Variants in RIMS1 observed in about 807,000 individuals in gnomAD.
The protein encoded by RIMS1 is regulating synaptic membrane exocytosis 1, also known as regulating synaptic membrane exocytosis protein 1.
A neutral mutation model predicts 214.1 loss-of-function variants in RIMS1; 83 were observed. The ratio of observed to expected loss-of-function variants is 0.39; its 90% CI spans 0.32 to 0.47. The LOEUF is 0.47. Ranked by LOEUF, RIMS1 falls within the 20% of genes least tolerant of loss-of-function variation. The pLI is 0.99. For missense variants in RIMS1, 2,050 were observed against 2,161.8 expected, an observed-to-expected ratio of 0.95 and a Z score of 1.03; for synonymous variants, 793 against 786.8, an observed-to-expected ratio of 1.01 and a Z score of -0.13.
chr6:72,248,411 A>G (rs1407776869), intron 12 of RIMS1, among the ~76,000 whole-genome samples: 1 of 152,190 alleles, frequency 6.6e-6, no homozygotes, highest in East Asian at 1.9e-4. Flanking sequence ...GTGCTATGTA[A>G]AAGTTTCTAA....
At chr6:72,065,236 A>C (rs906526432) in intron 2 of RIMS1, among the ~76,000 whole-genome samples, 1 of 152,182 alleles carries the variant, frequency 6.6e-6, no homozygotes, top group African/African-American at 2.4e-5. Context: ...AATGGATACC[A>C]AATTCTTGTC....
At chr6:72,317,641 C>T (rs1171486561) in intron 28 of RIMS1, among the ~76,000 whole-genome samples, 1 of 152,118 alleles carries the variant, frequency 6.6e-6, no homozygotes, top group African/African-American at 2.4e-5. Context: ...CCTTATTTCA[C>T]AATAGTTCTT....
intron 29 of RIMS1, among the ~76,000 whole-genome samples, chr6:72,340,164 C>T (rs1231327220): frequency 1.3e-5 from 2 of 151,924 alleles, no homozygotes; most frequent in Non-Finnish European, 2.9e-5. Flanking sequence ...TGTTTGAGTT[C>T]ATTGTAGATT....
chr6:72,284,647 A>G (rs908943404), intron 24 of RIMS1, among the ~76,000 whole-genome samples: 5 of 151,244 alleles, frequency 3.3e-5, no homozygotes, highest in Non-Finnish European at 7.4e-5. Context: ...GTCCAATTCC[A>G]CAAAGGTTTT....
At chr6:72,391,585 T>A (rs371292573) in intron 30 of RIMS1, among the ~76,000 whole-genome samples, 2 of 152,218 alleles carry the variant, frequency 1.3e-5, no homozygotes, top group South Asian at 2.1e-4. Flanking sequence ...TCTAATTTCT[T>A]GTCTTTACTG....
chr6:72,095,737 G>T (rs1586848105), intron 2 of RIMS1, among the ~76,000 whole-genome samples: 1 of 152,176 alleles, frequency 6.6e-6, no homozygotes, highest in Non-Finnish European at 1.5e-5. Context: ...TAACTTATTT[G>T]ATTCTATTTC....
At chr6:72,077,753 T>G (rs188270205) in intron 2 of RIMS1, among the ~76,000 whole-genome samples, 32 of 152,322 alleles carry the variant, frequency 2.1e-4, no homozygotes, top group African/African-American at 7.5e-4. Flanking sequence ...AATTTACAGA[T>G]GAGGGAAATA....
intron 4 of RIMS1, among the ~76,000 whole-genome samples, chr6:72,149,427 C>T (rs1188227991): frequency 2.6e-5 from 4 of 152,124 alleles, no homozygotes; most frequent in Non-Finnish European, 5.9e-5. Flanking sequence ...GTTGCCTTGG[C>T]CAGATGCCTT....
At chr6:72,074,758 T>A (rs1335517091) in intron 2 of RIMS1, among the ~76,000 whole-genome samples, 8 of 152,158 alleles carry the variant, frequency 5.3e-5, no homozygotes, top group Non-Finnish European at 1.2e-4. Context: ...AATTAAAGTA[T>A]GTGTATTGTT....
At position 72,182,954 on chromosome 6, in the gene RIMS1, A is replaced by G. The variant is rs745434723; in HGVS notation, c.1483A>G (p.Met495Val). 4.4e-6 allele frequency: 7 copies of G among 1,592,344 alleles called. No homozygotes were observed. Among genetic ancestry groups the G allele is most frequent in the South Asian group, 1.1e-5 (1 of 87,394 alleles). The change falls in exon 6 of 34, where the codon ATG (methionine) becomes GTG (valine). Residue 495 changes from methionine to valine, a missense_variant. By Grantham distance (21) the Met-to-Val change is conservative. Transcript: ENST00000521978. ...GGCCAAGCGCGAGAAGGTGGAGACCATGCTGCGGAACGACTCTTTGAGCTC... is the reference window on the plus strand; with the variant it reads ...GGCCAAGCGCGAGAAGGTGGAGACCGTGCTGCGGAACGACTCTTTGAGCTC... ...RKAKREKVETMLRNDSLSSDQ... is the reference protein window; with the variant it reads ...RKAKREKVETVLRNDSLSSDQ...
At position 72,212,471 on chromosome 6, in the gene RIMS1, A is replaced by G. The variant is rs1339769685; in HGVS notation, c.1679-21302A>G. Among the ~76,000 whole-genome samples, 3 of 152,284 alleles carry G rather than the reference A, an allele frequency of 2.0e-5. No homozygotes were observed. In the East Asian group the frequency reaches 5.8e-4, roughly 29 times the overall value. ...AGTTAAAAATACAGCCTAAGTTCAA[A>G]TATTTCAAGAAGAAACAAAAGTGTA... On this transcript the variant is annotated intron_variant, in intron 6 of 33. Coordinates refer to ENST00000521978, the MANE Select transcript of RIMS1 (RefSeq NM_014989.7).
intron 29 of RIMS1, among the ~76,000 whole-genome samples, chr6:72,341,575 T>C (rs1346002568): frequency 6.6e-6 from 1 of 151,846 alleles, no homozygotes; most frequent in East Asian, 1.9e-4. Context: ...TAACTGTATC[T>C]GCAGTACTAT....
At chr6:72,054,908 T>G (rs1461203164) in intron 2 of RIMS1, among the ~76,000 whole-genome samples, 3 of 152,240 alleles carry the variant, frequency 2.0e-5, no homozygotes, top group Non-Finnish European at 4.4e-5. Flanking sequence ...TCTTTTGCTG[T>G]GCAGAAGCTC....
chr6:72,109,394 T>G (rs2035526068), intron 4 of RIMS1, among the ~76,000 whole-genome samples: 1 of 151,868 alleles, frequency 6.6e-6, no homozygotes, highest in Non-Finnish European at 1.5e-5. Flanking sequence ...ATTGCCATTC[T>G]AACTGGTGTG....
At chr6:72,043,611 T>C (rs565665452) in intron 2 of RIMS1, among the ~76,000 whole-genome samples, 1 of 145,976 alleles carries the variant, frequency 6.9e-6, no homozygotes. Context: ...TTTGAGAACA[T>C]TAATTTCACA....
intron 1 of RIMS1, among the ~76,000 whole-genome samples, chr6:71,944,723 T>C (rs1316858507): frequency 2.6e-5 from 4 of 152,206 alleles, no homozygotes; most frequent in Non-Finnish European, 5.9e-5. Context: ...GTGTGGACTT[T>C]ATCTCGTGAT....
Position 72,263,512 on chromosome 6 carries a change from G to A in RIMS1, c.3117-1463G>A, listed in dbSNP as rs1383622828. 7.1e-6 allele frequency: 7 copies of A among 984,706 alleles called. No homozygotes were observed. The African/African-American group carries it at 1.2e-4, about 17-fold the overall frequency. The allele number at this position is 984,706 out of a possible 1,614,324, so 61.0% of individuals were successfully genotyped here. A position where few individuals can be genotyped will look rare whatever the true frequency, so the allele number is the denominator to read the frequency against. ...CTTGAACATTCAGACTATAAATTTT[G>A]TGCTATTTTCTAGCTGTTTCCCATT... On this transcript the variant is annotated intron_variant, in intron 19 of 33. Transcript: ENST00000521978.
intron 4 of RIMS1, among the ~76,000 whole-genome samples, chr6:72,133,265 T>G (rs528992454): frequency 1.7e-4 from 26 of 151,692 alleles, no homozygotes; most frequent in Non-Finnish European, 3.4e-4. Context: ...AGTCTCACTC[T>G]GTTCCCCAGG....
intron 28 of RIMS1, among the ~76,000 whole-genome samples, chr6:72,323,859 A>G (rs2096296243): frequency 6.6e-6 from 1 of 152,006 alleles, no homozygotes; most frequent in Non-Finnish European, 1.5e-5. Context: ...AAGCAAAGAT[A>G]TGACTAGCTG....
Sources: gnomAD v4.1 joint callset for allele counts (sites outside exome capture counted in the v4.1 genomes callset) on GRCh38, gnomAD v4.1.1 for gene constraint, MANE v1.5 for transcripts, NCBI Gene and HGNC (gene_info 2026-07-23, HGNC 2026-07-21) for gene names.